The following DCHS2 variants were observed in gnomAD, a reference collection of about 807,000 sequenced individuals.
DCHS2 encodes the protein protocadherin-23.
Under a neutral mutation model 182.4 loss-of-function variants are expected in DCHS2, and 142 were observed. The observed-to-expected ratio is 0.78, with a 90% CI of 0.68 to 0.89. The LOEUF is 0.89. DCHS2 is among the 40% of genes least tolerant of loss of function. The pLI, the probability that DCHS2 is intolerant of heterozygous loss-of-function variation, is 0.00. For missense variants in DCHS2, 4,319 were observed against 4,198.6 expected (o/e 1.03, Z -0.79); for synonymous variants, 1,740 against 1,663.3 (o/e 1.05, Z -1.12).
At chr4:154,387,271 A>G in intron 1 of DCHS2, among the ~76,000 whole-genome samples, 1 of 152,024 alleles carries the variant, frequency 6.6e-6, no homozygotes, top group Admixed American at 6.6e-5. Context: ...AAAGGAGACC[A>G]GTGGGGTTTA....
intron 16 of DCHS2, among the ~76,000 whole-genome samples, chr4:154,250,534 C>T (rs1732303459): frequency 6.6e-6 from 1 of 152,020 alleles, no homozygotes; most frequent in Admixed American, 6.6e-5. Context: ...CTCAAAATAC[C>T]CAGAATAAAA....
At chr4:154,452,495 G>A (rs913306161) in intron 1 of DCHS2, among the ~76,000 whole-genome samples, 30 of 152,064 alleles carry the variant, frequency 2.0e-4, no homozygotes, top group African/African-American at 6.7e-4. Context: ...GTGGTGGCAC[G>A]TGCCTGTAGT....
chr4:154,423,044 C>T (rs941984406), intron 1 of DCHS2, among the ~76,000 whole-genome samples: 1 of 152,050 alleles, frequency 6.6e-6, no homozygotes, highest in African/African-American at 2.4e-5. Flanking sequence ...ACTCACATAC[C>T]ATAAAATATA....
intron 1 of DCHS2, among the ~76,000 whole-genome samples, chr4:154,414,821 GGA>G (rs765566098): frequency 4.6e-5 from 7 of 152,146 alleles, no homozygotes; most frequent in Non-Finnish European, 1.0e-4. Flanking sequence ...TTCCTAAATG[GGA>G]TACTGCAGGT....
intron 16 of DCHS2, among the ~76,000 whole-genome samples, chr4:154,250,642 A>T (rs992804286): frequency 2.6e-5 from 4 of 152,174 alleles, no homozygotes; most frequent in African/African-American, 9.7e-5. Flanking sequence ...TTGGTGATCA[A>T]GTTCCTATGG....
chr4:154,442,394 GCC>G (rs762470499), intron 1 of DCHS2, among the ~76,000 whole-genome samples: 3 of 151,788 alleles, frequency 2.0e-5, no homozygotes, highest in Non-Finnish European at 2.9e-5. Flanking sequence ...ACTCAAACAT[GCC>G]CTTCCTGAGT....
chr4:154,292,576 C>T (rs529402333), intron 13 of DCHS2, among the ~76,000 whole-genome samples: 11 of 152,328 alleles, frequency 7.2e-5, no homozygotes, highest in Non-Finnish European at 1.3e-4. Flanking sequence ...ACTTACTCCT[C>T]TCTAGACTCT....
In DCHS2 at chr4:154,451,091, A is replaced by G. The variant is rs142107354; in HGVS notation, c.2052+38213T>C. On this transcript the variant is annotated intron_variant, in intron 1 of 19. Coordinates refer to ENST00000357232, the MANE Select transcript of DCHS2 (RefSeq NM_001358235.2). ...CTAGTTTTCAGTGGGTCCTGAACAGAATAAGGTTCTGTAACAAGTCCAGGA... is the reference window on the plus strand; with the variant it reads ...CTAGTTTTCAGTGGGTCCTGAACAGGATAAGGTTCTGTAACAAGTCCAGGA... 1.1e-3 allele frequency among the ~76,000 whole-genome samples: 163 copies of G among 152,296 alleles called. 1 individual carries two copies. The highest frequency in any genetic ancestry group is 3.7e-3 in the African/African-American group (155 of 41,566).
chr4:154,286,107 T>A (rs1172863612), intron 13 of DCHS2, among the ~76,000 whole-genome samples: 1 of 151,940 alleles, frequency 6.6e-6, no homozygotes, highest in Non-Finnish European at 1.5e-5. Context: ...CTGGGTTATA[T>A]CCAGGACCAC....
chr4:154,465,345 G>A (rs1345136608), intron 1 of DCHS2, among the ~76,000 whole-genome samples: 1 of 152,178 alleles, frequency 6.6e-6, no homozygotes, highest in Non-Finnish European at 1.5e-5. Context: ...GAGCACAAGA[G>A]GGAGTCCAAT....
chr4:154,419,027 T>C (rs1034362333), intron 1 of DCHS2, among the ~76,000 whole-genome samples: 1 of 152,202 alleles, frequency 6.6e-6, no homozygotes, highest in Admixed American at 6.5e-5. Flanking sequence ...TGGGTGCACA[T>C]GCAAACACAC....
At chr4:154,349,382 G>A (rs187526308) in intron 3 of DCHS2, among the ~76,000 whole-genome samples, 21 of 152,260 alleles carry the variant, frequency 1.4e-4, no homozygotes, top group African/African-American at 4.6e-4. Flanking sequence ...ATTTCAGCTT[G>A]GTGGCCATGA....
chr4:154,438,438 C>T (rs999157000), intron 1 of DCHS2, among the ~76,000 whole-genome samples: 2 of 152,138 alleles, frequency 1.3e-5, no homozygotes, highest in African/African-American at 4.8e-5. Flanking sequence ...TTTAGGGTAG[C>T]TTTAATATCT....
intron 16 of DCHS2, among the ~76,000 whole-genome samples, chr4:154,254,648 C>T (rs1323217542): frequency 6.6e-6 from 1 of 152,102 alleles, no homozygotes; most frequent in Non-Finnish European, 1.5e-5. Flanking sequence ...ACCAGCCTGG[C>T]CAATATGGTG....
At chr4:154,246,211 AAGAT>A (rs1267298783) in intron 16 of DCHS2, among the ~76,000 whole-genome samples, 1 of 152,184 alleles carries the variant, frequency 6.6e-6, no homozygotes, top group Non-Finnish European at 1.5e-5. Flanking sequence ...TTTAAATAGA[AAGAT>A]TATTTATGTT....
At chr4:154,255,814 A>T in intron 15 of DCHS2, 144 bp from the exon 16 acceptor site, 1 of 1,304,452 alleles carries the variant, frequency 7.7e-7, no homozygotes, top group East Asian at 2.7e-5. Flanking sequence ...CCAACAGACA[A>T]CTGAAGCTTA....
intron 1 of DCHS2, among the ~76,000 whole-genome samples, chr4:154,449,308 AT>A (rs1358994036): frequency 6.6e-6 from 1 of 151,926 alleles, no homozygotes; most frequent in South Asian, 2.1e-4. Context: ...ATTAATCTTG[AT>A]TTTTCCCCAT....
At chr4:154,271,070 C>T (rs192183554) in intron 13 of DCHS2, among the ~76,000 whole-genome samples, 33 of 152,188 alleles carry the variant, frequency 2.2e-4, no homozygotes, top group Admixed American at 3.3e-4. Flanking sequence ...TAAATACCAA[C>T]ATGAAAGAAG....
At position 154,490,409 on chromosome 4, in the gene DCHS2, C is replaced by G. The variant is rs747051070; in HGVS notation, c.947G>C (p.Cys316Ser). 1.3e-6 allele frequency: 2 copies of G among 1,533,626 alleles called. No individual in the cohort carries two copies. The highest frequency in any genetic ancestry group is 2.4e-5 in the South Asian group (2 of 83,786). Reference protein sequence around the residue: ...REDAQPGAEVCRVRATDRDLG... With the variant: ...REDAQPGAEVSRVRATDRDLG... ...GTCGCGGTCGGTGGCGCGCACGCGA[C>G]AGACCTCGGCGCCCGGCTGGGCGTC... Residue 316 changes from cysteine to serine, a missense_variant, in exon 1 of 20, where the codon TGT becomes TCT. Physicochemically the swap from Cys to Ser is moderately radical, Grantham distance 112. Coordinates refer to ENST00000357232, the MANE Select transcript of DCHS2 (RefSeq NM_001358235.2).
Sources: gnomAD v4.1 joint callset for allele counts (sites outside exome capture counted in the v4.1 genomes callset) on GRCh38, gnomAD v4.1.1 for gene constraint, MANE v1.5 for transcripts, NCBI Gene and HGNC (gene_info 2026-07-23, HGNC 2026-07-21) for gene names.